The following PTPRE variants were observed in gnomAD, a reference collection of about 807,000 sequenced individuals.
PTPRE encodes the protein protein tyrosine phosphatase receptor type E.
PTPRE carries 51 observed loss-of-function variants against 102.0 expected under a neutral mutation model. The observed-to-expected ratio is 0.50, with a 90% confidence interval of 0.40 to 0.63. PTPRE has a LOEUF of 0.63. Ranked by LOEUF, PTPRE falls within the 30% of genes least tolerant of loss-of-function variation. The pLI is 0.00. For missense variants in PTPRE, 752 were observed against 915.1 expected (o/e 0.82, Z 2.30); for synonymous variants, 345 against 348.2 (o/e 0.99, Z 0.10).
intron 7 of PTPRE, among the ~76,000 whole-genome samples, chr10:128,056,652 A>C (rs1198885539): frequency 4.6e-5 from 7 of 152,240 alleles, no homozygotes; most frequent in Admixed American, 3.9e-4. Flanking sequence ...GTCCTGGACC[A>C]ATGACAAAAA....
chr10:127,970,906 A>T (rs1461459178), intron 1 of PTPRE, among the ~76,000 whole-genome samples: 1 of 152,152 alleles, frequency 6.6e-6, no homozygotes, highest in Non-Finnish European at 1.5e-5. Flanking sequence ...TTTCAAAAAT[A>T]AACCATCCCT....
In PTPRE at chr10:128,085,421, G is replaced by C. The variant is rs1852018546; in HGVS notation, c.*2515G>C. ...GGGTTCAAATGCCAAATAGTGATTA[G>C]AAGACGACCATTCTGATCTGTGTGT... is the stretch of plus-strand genomic sequence containing the variant. On this transcript the variant is annotated 3_prime_UTR_variant, in exon 21 of 21. Coordinates refer to ENST00000254667, the MANE Select transcript of PTPRE (RefSeq NM_006504.6). 4.8e-6 allele frequency: 1 copy of C among 207,176 alleles called. No individual in the cohort carries two copies. The highest frequency in any genetic ancestry group is 1.0e-5 in the Non-Finnish European group (1 of 97,924). The allele number at this position is 207,176 out of a possible 1,614,324, so 12.8% of individuals were successfully genotyped here. A position where few individuals can be genotyped will look rare whatever the true frequency, so the allele number is the denominator to read the frequency against.
At position 127,907,813 on chromosome 10, in the gene PTPRE, C is replaced by T. The variant is rs1450086772; in HGVS notation, c.-31+504C>T. Among the ~76,000 whole-genome samples the T allele has an allele frequency of 2.0e-5, 3 of 152,234 alleles. No individual in the cohort carries two copies. In the South Asian group the frequency reaches 6.2e-4, roughly 31 times the overall value. The stretch of plus-strand genomic sequence containing the variant: ...GCCAGGATGCTGCCCCGCAGCCGGG[C>T]GGGCGCCCGCGCCTTCCCAGGGAGG... On this transcript the variant is annotated intron_variant, in intron 1 of 20. Coordinates refer to ENST00000254667, the MANE Select transcript of PTPRE (RefSeq NM_006504.6). This position sits in a 1 kb window ranked among gnomAD's most constrained non-coding sequence, Gnocchi z 4.8.
intron 1 of PTPRE, among the ~76,000 whole-genome samples, chr10:127,957,302 G>T (rs1385518234): frequency 6.6e-6 from 1 of 152,084 alleles, no homozygotes; most frequent in African/African-American, 2.4e-5. Context: ...ATTTACAGTT[G>T]TCCCAGCACC....
chr10:128,026,122 T>C (rs1481583363), intron 2 of PTPRE, among the ~76,000 whole-genome samples: 2 of 152,194 alleles, frequency 1.3e-5, no homozygotes, highest in African/African-American at 4.8e-5. Context: ...GGCCTGACTC[T>C]GCACGGCCCA....
intron 2 of PTPRE, among the ~76,000 whole-genome samples, chr10:128,040,230 G>C (rs944658833): frequency 1.3e-5 from 2 of 152,168 alleles, no homozygotes; most frequent in Admixed American, 6.5e-5. Flanking sequence ...GGCAGAGCAT[G>C]CTGGAGCCAG....
At chr10:128,053,252 A>G (rs184497483) in intron 6 of PTPRE, among the ~76,000 whole-genome samples, 27 of 152,352 alleles carry the variant, frequency 1.8e-4, no homozygotes, top group Non-Finnish European at 3.8e-4. Context: ...CCCTGTCTCA[A>G]AAATAAAAAT....
intron 7 of PTPRE, among the ~76,000 whole-genome samples, chr10:128,056,937 C>T (rs560804611): frequency 7.2e-5 from 11 of 151,932 alleles, no homozygotes; most frequent in African/African-American, 1.9e-4. Flanking sequence ...TGGCCCGGGC[C>T]GGGTGCTGTG....
rs528197318 is a variant in PTPRE, at chr10:127,907,305, C to G, written c.-35C>G. On this transcript the variant is annotated 5_prime_UTR_variant, in exon 1 of 21. Coordinates refer to ENST00000254667, the MANE Select transcript of PTPRE (RefSeq NM_006504.6). This position sits in a 1 kb window ranked among gnomAD's most constrained non-coding sequence, Gnocchi z 4.8. ...GATCTGCGCGACCAGACCGGCCCCC[C>G]CGAGGTGAGCGCGCGTGCGGACAGG... is the stretch of plus-strand genomic sequence containing the variant. The G allele has an allele frequency of 3.4e-5, 33 of 984,790 alleles. No homozygotes were observed. In the East Asian group the frequency reaches 6.9e-4, roughly 21 times the overall value. The allele number at this position is 984,790 out of a possible 1,614,324, so 61.0% of individuals were successfully genotyped here.
intron 1 of PTPRE, among the ~76,000 whole-genome samples, chr10:127,914,302 T>C (rs999141888): frequency 1.3e-5 from 2 of 152,164 alleles, no homozygotes; most frequent in African/African-American, 4.8e-5. Context: ...CCTTATAAAT[T>C]ACCCAGCGTC....
intron 1 of PTPRE, among the ~76,000 whole-genome samples, chr10:127,976,208 A>G (rs1423226160): frequency 1.3e-5 from 2 of 152,152 alleles, no homozygotes; most frequent in Non-Finnish European, 2.9e-5. Flanking sequence ...CCAAGAGGTG[A>G]ACAAATTCAT....
chr10:127,919,846 C>G (rs1055725246), intron 1 of PTPRE, among the ~76,000 whole-genome samples: 2 of 152,076 alleles, frequency 1.3e-5, no homozygotes, highest in Non-Finnish European at 2.9e-5. Context: ...TGTCAAAATA[C>G]ACATCCTGAA....
intron 3 of PTPRE, among the ~76,000 whole-genome samples, chr10:128,042,545 C>T (rs997991984): frequency 1.3e-5 from 2 of 152,134 alleles, no homozygotes; most frequent in Non-Finnish European, 2.9e-5. Flanking sequence ...TGCTGGTCCA[C>T]GAGCAAGAGG....
At chr10:127,938,238 C>G (rs1847970662) in intron 1 of PTPRE, among the ~76,000 whole-genome samples, 1 of 152,158 alleles carries the variant, frequency 6.6e-6, no homozygotes, top group South Asian at 2.1e-4. Flanking sequence ...GCATAGCAGC[C>G]CCTTAATTAG....
At chr10:128,073,790 T>C (rs1306695536) in intron 17 of PTPRE, among the ~76,000 whole-genome samples, 2 of 152,250 alleles carry the variant, frequency 1.3e-5, no homozygotes, top group Non-Finnish European at 2.9e-5. Context: ...ATTGACTTTT[T>C]TCAAGACATG....
intron 1 of PTPRE, among the ~76,000 whole-genome samples, chr10:127,981,616 G>C (rs1344123709): frequency 6.6e-6 from 1 of 152,046 alleles, no homozygotes; most frequent in Non-Finnish European, 1.5e-5. Flanking sequence ...CCAGGAGTTC[G>C]AGACTAGCCT....
intron 11 of PTPRE, among the ~76,000 whole-genome samples, chr10:128,067,331 C>CACGCACCCACACACGCACAG (rs1564956351): frequency 4.1e-5 from 6 of 145,722 alleles, no homozygotes; most frequent in South Asian, 2.2e-4. Flanking sequence ...TGTGCACACA[C>CACGCACCCACACACGCACAG]ATACATCCAC....
chr10:128,048,292 T>G (rs915167845), intron 5 of PTPRE, among the ~76,000 whole-genome samples: 10 of 152,202 alleles, frequency 6.6e-5, no homozygotes, highest in Non-Finnish European at 2.9e-5. Context: ...TTTCCAACTT[T>G]TCCATCCGAA....
intron 2 of PTPRE, among the ~76,000 whole-genome samples, chr10:128,039,759 T>G (rs1590101882): frequency 6.9e-6 from 1 of 145,794 alleles, no homozygotes; most frequent in East Asian, 2.2e-4. Context: ...GGGGACAGGC[T>G]GACCTTGGAC....
Sources: gnomAD v4.1 joint callset for allele counts (sites outside exome capture counted in the v4.1 genomes callset) on GRCh38, gnomAD v4.1.1 for gene constraint, Gnocchi (gnomAD v3.1) non-coding constraint, MANE v1.5 for transcripts, NCBI Gene and HGNC (gene_info 2026-07-23, HGNC 2026-07-21) for gene names.